CHST15: variants seen among roughly 807,000 people sequenced by gnomAD.
The protein encoded by CHST15 is B cell RAG associated protein (GALNAC4S-6ST).
Under a neutral mutation model 53.6 loss-of-function variants are expected in CHST15, and 30 were observed. The observed-to-expected ratio is 0.56, with a 90% confidence interval of 0.42 to 0.76. The LOEUF (loss-of-function observed/expected upper bound fraction) is 0.76, where lower values mean the gene tolerates loss of function less well. CHST15 is among the 30% of genes least tolerant of loss of function. The probability of loss-of-function intolerance (pLI) is 0.00; values close to 1 mark genes in which losing one functional copy is unlikely to be tolerated. For synonymous variants in CHST15, 296 were observed against 289.8 expected (o/e 1.02, Z -0.22); for missense variants, 627 against 740.5 (o/e 0.85, Z 1.78).
chr10:124,087,851 G>A (rs986479860), intron 1 of CHST15, among the ~76,000 whole-genome samples: 2 of 152,186 alleles, frequency 1.3e-5, no homozygotes, highest in African/African-American at 2.4e-5. Flanking sequence ...TCAAATATGG[G>A]CACAGCGGAG....
At chr10:124,088,745 A>G (rs1272060871) in intron 1 of CHST15, among the ~76,000 whole-genome samples, 1 of 152,214 alleles carries the variant, frequency 6.6e-6, no homozygotes, top group Non-Finnish European at 1.5e-5. Flanking sequence ...GGGACGCAGC[A>G]CGTGATAGGT....
At chr10:124,072,621 G>A (rs1194262952) in intron 1 of CHST15, among the ~76,000 whole-genome samples, 1 of 152,182 alleles carries the variant, frequency 6.6e-6, no homozygotes, top group Non-Finnish European at 1.5e-5. Context: ...CAGCTACCAG[G>A]CCAGCCACCA....
intron 1 of CHST15, among the ~76,000 whole-genome samples, chr10:124,050,751 A>C (rs1290616755): frequency 6.6e-6 from 1 of 152,150 alleles, no homozygotes; most frequent in Non-Finnish European, 1.5e-5. Flanking sequence ...GACCAGGGGA[A>C]GCAAAGGCCC....
chr10:124,090,335 T>A (rs1416591906), intron 1 of CHST15, among the ~76,000 whole-genome samples: 1 of 152,224 alleles, frequency 6.6e-6, no homozygotes, highest in Non-Finnish European at 1.5e-5. Context: ...TAGATGGGCA[T>A]GTGCTCACCT....
At position 124,038,676 on chromosome 10, in the gene CHST15, A is replaced by G; in HGVS notation, c.1034-5T>C. The G allele has an allele frequency of 6.2e-7, 1 of 1,613,766 alleles. No individual in the cohort carries two copies. Among genetic ancestry groups the G allele is most frequent in the Non-Finnish European group, 8.5e-7 (1 of 1,179,836 alleles). ...TCGTGGAGGCACTGGCCTCCCCTGG[A>G]AACAGAAAACACTCCAAGTGAGCAG... On this transcript the variant is annotated splice_polypyrimidine_tract_variant and splice_region_variant and intron_variant, in intron 4 of 7. Coordinates refer to ENST00000435907, the MANE Select transcript of CHST15 (RefSeq NM_001270764.2).
intron 5 of CHST15, among the ~76,000 whole-genome samples, chr10:124,035,527 C>T (rs577745907): frequency 1.3e-5 from 2 of 151,772 alleles, no homozygotes; most frequent in South Asian, 2.1e-4. Flanking sequence ...AACAGGGACC[C>T]TGGCTCCGCC....
At chr10:124,021,106 G>T (rs1381529889) in intron 6 of CHST15, 150 bp downstream of exon 6, 2 of 1,497,226 alleles carry the variant, frequency 1.3e-6, no homozygotes, top group East Asian at 2.5e-5. Context: ...TTACATCCAT[G>T]AATAATGGGG....
chr10:124,053,928 C>G (rs1365370459), intron 1 of CHST15, among the ~76,000 whole-genome samples: 1 of 152,040 alleles, frequency 6.6e-6, no homozygotes, highest in Non-Finnish European at 1.5e-5. Flanking sequence ...CAAAAACCAA[C>G]AAACAAACAA....
chr10:124,041,499 A>G (rs1157978316), intron 4 of CHST15, among the ~76,000 whole-genome samples: 1 of 152,028 alleles, frequency 6.6e-6, no homozygotes. Context: ...CATGCTGGAA[A>G]TTTTCCAAGA....
At chr10:124,064,937 T>C (rs962064999) in intron 1 of CHST15, among the ~76,000 whole-genome samples, 6 of 152,266 alleles carry the variant, frequency 3.9e-5, no homozygotes, top group African/African-American at 1.4e-4. Flanking sequence ...GACAGTCCTA[T>C]CAGCTCTGTG....
At chr10:124,028,654 A>C (rs1947103926) in intron 5 of CHST15, among the ~76,000 whole-genome samples, 1 of 152,230 alleles carries the variant, frequency 6.6e-6, no homozygotes, top group East Asian at 1.9e-4. Context: ...GAGATCACCC[A>C]GCTCAAAAGG....
intron 7 of CHST15, chr10:124,011,903 TTGGTCCTACAAAGC>T (rs1265826307): frequency 2.1e-6 from 2 of 970,036 alleles, no homozygotes; most frequent in African/African-American, 3.5e-5. Context: ...TGACATCCTG[TTGGTCCTACAAAGC>T]TCAGCTCTCA....
At chr10:124,012,010 C>T (rs968237866) in intron 7 of CHST15, among the ~76,000 whole-genome samples, 8 of 152,158 alleles carry the variant, frequency 5.3e-5, no homozygotes, top group Non-Finnish European at 8.8e-5. Context: ...CATGACAGTG[C>T]TGACCTTCCC....
rs140731574 is a variant in CHST15 at position 124,035,392 on chromosome 10, CT to C, written c.1190+3122del. ...CTAACAGGGACCCTGGCTCCGCCCC[CT>C]AACAGAGACCCTGGCTCCACCCCTA... On this transcript the variant is annotated intron_variant, in intron 5 of 7. Transcript: ENST00000435907. Among the ~76,000 whole-genome samples the C allele has an allele frequency of 3.0e-3, 448 of 149,714 alleles. 2 individuals carry two copies. The highest frequency in any genetic ancestry group is 0.01 in the African/African-American group (409 of 40,402).
In CHST15 at chr10:124,034,898, CCT is replaced by C. The variant is rs199902310; in HGVS notation, c.1190+3615_1190+3616del. ...CCCTAACAGGGACCCTGGCTCTACC[CCT>C]GATAGGTACCCTGGCTTCATCCCCT... On this transcript the variant is annotated intron_variant, in intron 5 of 7. Coordinates refer to ENST00000435907, the MANE Select transcript of CHST15 (RefSeq NM_001270764.2). 2.3e-3 allele frequency among the ~76,000 whole-genome samples: 336 copies of C among 145,654 alleles called. 9 individuals are homozygous for C. In the East Asian group the frequency reaches 0.054, roughly 23 times the overall value.
In CHST15 at chr10:124,036,809, CTTA is replaced by C. The variant is rs1947514958; in HGVS notation, c.1190+1703_1190+1705del. Among the ~76,000 whole-genome samples the C allele has an allele frequency of 6.6e-6, 1 of 152,156 alleles. No homozygotes were observed. Among genetic ancestry groups the C allele is most frequent in the Non-Finnish European group, 1.5e-5 (1 of 68,034 alleles). Reference sequence around the variant, plus strand: ...TCCAAAATTTCCACAACAAACACGCCTTATTGTTATAATTGGCAAATACGTGGG... The same window carrying C: ...TCCAAAATTTCCACAACAAACACGCCTTGTTATAATTGGCAAATACGTGGG... On this transcript the variant is annotated intron_variant, in intron 5 of 7. Transcript: ENST00000435907. The surrounding 1 kb of genome is among the most constrained non-coding windows in gnomAD (Gnocchi z 5.1).
rs200819458 is a variant in CHST15, at chr10:124,046,173, C to T, written c.40G>A (p.Asp14Asn). ...CINCCIQLLP[D>N]GAHKQQVNCQ... is the part of the protein sequence containing the mutation. ...TTGACCTGCTGCTTGTGTGCGCCGT[C>T]GGGTAACAGCTGTATGCAGCAATTA... The change falls in exon 2 of 8, where the codon GAC becomes AAC. Residue 14 changes from aspartate (D) to asparagine (N), a missense_variant. Physicochemically the swap from Asp to Asn is conservative, Grantham distance 23. Around this residue, in one of 3 missense-constraint regions of CHST15, gnomAD observed 187 missense variants for 251.8 expected, o/e 0.74. Transcript: ENST00000435907. 1.2e-5 allele frequency: 19 copies of T among 1,613,214 alleles called. No individual in the cohort carries two copies. Among genetic ancestry groups the T allele is most frequent in the East Asian group, 6.7e-5 (3 of 44,882 alleles).
rs577850679 is a variant in CHST15, at chr10:124,039,046, G to A, written c.1034-375C>T. 2.4e-4 allele frequency among the ~76,000 whole-genome samples: 36 copies of A among 152,260 alleles called. No individual in the cohort carries two copies. The South Asian group carries it at 7.3e-3, about 31-fold the overall frequency. ...TGCACAGCTCTGTGGCATTTTAAGG[G>A]CCCACTGAGAATGCAGTCTGTCAGA... On this transcript the variant is annotated intron_variant, in intron 4 of 7. Transcript: ENST00000435907.
intron 5 of CHST15, among the ~76,000 whole-genome samples, chr10:124,029,546 G>A (rs1020057241): frequency 1.3e-5 from 2 of 152,200 alleles, no homozygotes; most frequent in African/African-American, 4.8e-5. Flanking sequence ...CACAGACTGG[G>A]AGGCAGCACT....
Sources: gnomAD v4.1 joint callset for allele counts (sites outside exome capture counted in the v4.1 genomes callset) on GRCh38, gnomAD v4.1.1 for gene constraint, gnomAD v4.1.1 regional missense constraint, Gnocchi (gnomAD v3.1) non-coding constraint, MANE v1.5 for transcripts, NCBI Gene and HGNC (gene_info 2026-07-23, HGNC 2026-07-21) for gene names.